The following MMEL1 variants were observed in gnomAD, a reference collection of about 807,000 sequenced individuals.
The protein encoded by MMEL1 is membrane metallo-endopeptidase-like 1.
A neutral mutation model predicts 117.1 loss-of-function variants in MMEL1; 98 were observed. That is an observed-to-expected ratio of 0.84 (90% CI 0.71 to 0.99). The LOEUF is 0.99. Ranked by LOEUF, MMEL1 falls within the 50% of genes least tolerant of loss-of-function variation. The pLI, the probability that MMEL1 is intolerant of heterozygous loss-of-function variation, is 0.00. For synonymous variants in MMEL1, 390 were observed against 415.1 expected, an observed-to-expected ratio of 0.94 and a Z score of 0.74; for missense variants, 1,014 against 1,049.1, an observed-to-expected ratio of 0.97 and a Z score of 0.46.
chr1:2,605,710 G>T, intron 8 of MMEL1, 87 bp from the exon 9 acceptor site: 1 of 1,008,400 alleles, frequency 9.9e-7, no homozygotes, highest in Non-Finnish European at 1.5e-6. Context: ...CTCCCCACAG[G>T]ACTGTGCCCC....
At position 2,604,292 on chromosome 1, in the gene MMEL1, G is replaced by C. The variant is rs1644986185; in HGVS notation, c.817-11C>G. 1 of 1,611,982 alleles carries C rather than the reference G, an allele frequency of 6.2e-7. No individual in the cohort carries two copies. On this transcript the variant is annotated splice_polypyrimidine_tract_variant and intron_variant, in intron 9 of 23. Transcript: ENST00000378412. ...GTAGGCTTCCCGCACCTGGGCCAAA[G>C]GACGCCGGGCAGAGCTGGGTGGCCT...
chr1:2,612,762 G>C lies in MMEL1; in HGVS notation c.155-558C>G, dbSNP rs1477298862. On this transcript the variant is annotated intron_variant, in intron 2 of 23. Transcript: ENST00000378412. The surrounding 1 kb of genome is among the most constrained non-coding windows in gnomAD (Gnocchi z 5.4). ...CTGCCTGCTGGGAGGGGCCTGCCTG[G>C]TCAGCATCGGGGGCTCCTGGGATGG... Among the ~76,000 whole-genome samples, 1 of 152,176 alleles carries C rather than the reference G, an allele frequency of 6.6e-6. No individual in the cohort carries two copies. The highest frequency in any genetic ancestry group is 1.5e-5 in the Non-Finnish European group (1 of 68,034).
intron 11 of MMEL1, among the ~76,000 whole-genome samples, chr1:2,599,898 C>A (rs1419018367): frequency 6.6e-6 from 1 of 150,814 alleles, no homozygotes; most frequent in Non-Finnish European, 1.5e-5. Flanking sequence ...AAGGAAAATT[C>A]TATAACCTGA....
intron 2 of MMEL1, among the ~76,000 whole-genome samples, chr1:2,625,691 A>G (rs1316304944): frequency 6.6e-6 from 1 of 152,200 alleles, no homozygotes; most frequent in Non-Finnish European, 1.5e-5. Context: ...TGCGACCTGA[A>G]CTTCCTATCA....
chr1:2,611,917 G>A (rs1645136091), intron 3 of MMEL1, among the ~76,000 whole-genome samples: 1 of 152,216 alleles, frequency 6.6e-6, no homozygotes, highest in Non-Finnish European at 1.5e-5. Flanking sequence ...CGCAGGAGCA[G>A]GTGCGGAGTG....
intron 2 of MMEL1, 104 bp downstream of exon 2, chr1:2,629,226 AC>A: frequency 7.8e-7 from 1 of 1,280,232 alleles, no homozygotes; most frequent in Non-Finnish European, 1.0e-6. Context: ...GCCCCATCTG[AC>A]GGGCGGGCTC....
At chr1:2,599,188 C>G (rs1644893363) in intron 11 of MMEL1, among the ~76,000 whole-genome samples, 1 of 152,210 alleles carries the variant, frequency 6.6e-6, no homozygotes. Context: ...AACTGCCAAT[C>G]TTATTAAAAC....
chr1:2,616,716 G>C (rs966736491), intron 2 of MMEL1, among the ~76,000 whole-genome samples: 31 of 152,320 alleles, frequency 2.0e-4, no homozygotes, highest in Admixed American at 9.1e-4. Flanking sequence ...AGTGTGACGG[G>C]AGACCTGGAC....
At chr1:2,605,246 T>C (rs1645003319) in intron 9 of MMEL1, among the ~76,000 whole-genome samples, 1 of 152,164 alleles carries the variant, frequency 6.6e-6, no homozygotes, top group Admixed American at 6.5e-5. Flanking sequence ...CCAGGGGCCC[T>C]CCTGGGAATC....
intron 11 of MMEL1, among the ~76,000 whole-genome samples, chr1:2,602,738 C>G (rs148521286): frequency 6.6e-6 from 1 of 152,340 alleles, no homozygotes; most frequent in South Asian, 2.1e-4. Context: ...TCTCTAGCCC[C>G]GGTGCTCATT....
chr1:2,620,402 A>G (rs778485265), intron 2 of MMEL1, among the ~76,000 whole-genome samples: 2 of 152,240 alleles, frequency 1.3e-5, no homozygotes, highest in African/African-American at 4.8e-5. Context: ...TAATGCTGAT[A>G]GATTATTTTC....
chr1:2,596,811 T>C, intron 13 of MMEL1, 122 bp from the exon 14 acceptor site: 1 of 1,129,140 alleles, frequency 8.9e-7, no homozygotes, highest in South Asian at 1.4e-5. Flanking sequence ...GCCCCGGGGC[T>C]AGCGGGGGCA....
intron 18 of MMEL1, 43 bp from the exon 19 acceptor site, chr1:2,593,976 C>T (rs1230876448): frequency 6.5e-7 from 1 of 1,548,484 alleles, no homozygotes; most frequent in Non-Finnish European, 8.7e-7. Context: ...TGAGTGGACA[C>T]ATCTCCTGTG....
Position 2,595,576 on chromosome 1 carries a change from G to A in MMEL1, c.1501-217C>T, listed in dbSNP as rs985562542. ...ATGGGGACAGAATATGGAAGGCTCCGCCCACCTGACCTAGAGCCCAACAGC... is the reference window on the plus strand; with the variant it reads ...ATGGGGACAGAATATGGAAGGCTCCACCCACCTGACCTAGAGCCCAACAGC... On this transcript the variant is annotated intron_variant, in intron 15 of 23. Transcript: ENST00000378412. This position sits in a 1 kb window ranked among gnomAD's most constrained non-coding sequence, Gnocchi z 4.8. 1.6e-4 allele frequency among the ~76,000 whole-genome samples: 25 copies of A among 152,202 alleles called. No homozygotes were observed. The highest frequency in any genetic ancestry group is 5.5e-4 in the African/African-American group (23 of 41,536).
In MMEL1 at chr1:2,609,697, G is replaced by A. The variant is rs1399991968; in HGVS notation, c.427C>T (p.Arg143Cys). Residue 143 changes from arginine to cysteine, a missense_variant, in exon 5 of 24, where the codon CGC (arginine) becomes TGC (cysteine). Coordinates refer to ENST00000378412, the MANE Select transcript of MMEL1 (RefSeq NM_033467.4). ...NSRYSIFDVL[R>C]DELEVILKAV... Reference sequence around the variant, plus strand: ...TTGAGGATGACCTCCAGCTCGTCGCGGAGGACGTCAAAGATGCTGTATCTT... The same window carrying A: ...TTGAGGATGACCTCCAGCTCGTCGCAGAGGACGTCAAAGATGCTGTATCTT... 6.8e-6 allele frequency: 11 copies of A among 1,612,592 alleles called. No homozygotes were observed. The highest frequency in any genetic ancestry group is 1.7e-5 in the Admixed American group (1 of 59,898).
At chr1:2,630,823 CATG>C (rs1638532601) in intron 1 of MMEL1, among the ~76,000 whole-genome samples, 2 of 145,016 alleles carry the variant, frequency 1.4e-5, no homozygotes, top group South Asian at 2.2e-4. Flanking sequence ...TGTGCGTGTG[CATG>C]ATTATGTGCG....
At chr1:2,594,141 C>T in intron 18 of MMEL1, 1 of 773,548 alleles carries the variant, frequency 1.3e-6, no homozygotes, top group Non-Finnish European at 2.0e-6. Flanking sequence ...TCAGTCCGGC[C>T]TCCTCCCACC....
intron 2 of MMEL1, among the ~76,000 whole-genome samples, chr1:2,613,137 G>A (rs528080726): frequency 4.6e-5 from 7 of 152,354 alleles, no homozygotes; most frequent in Admixed American, 2.6e-4. Context: ...CAGTTCAGAT[G>A]TGAGCCTGAC....
In MMEL1 at chr1:2,606,298, C is replaced by T. The variant is rs372890618; in HGVS notation, c.700G>A (p.Asp234Asn). ...TGGTCGTCGTTCCAGATGAAGAGGT[C>T]GATGAGGACGCGCCTGTTGAACTGT... ...NSQFNRRVLI[D>N]LFIWNDDQNS... is the part of the protein sequence containing the mutation. The change falls in exon 8 of 24, where the codon GAC becomes AAC. Residue 234 changes from aspartate to asparagine, a missense_variant. Coordinates refer to ENST00000378412, the MANE Select transcript of MMEL1 (RefSeq NM_033467.4). The T allele has an allele frequency of 5.6e-6, 9 of 1,612,978 alleles. No individual in the cohort carries two copies. Among genetic ancestry groups the T allele is most frequent in the East Asian group, 4.5e-5 (2 of 44,886 alleles).
Sources: gnomAD v4.1 joint callset for allele counts (sites outside exome capture counted in the v4.1 genomes callset) on GRCh38, gnomAD v4.1.1 for gene constraint, Gnocchi (gnomAD v3.1) non-coding constraint, MANE v1.5 for transcripts, NCBI Gene and HGNC (gene_info 2026-07-23, HGNC 2026-07-21) for gene names.